The following LYN variants were observed in gnomAD, a reference collection of about 807,000 sequenced individuals.
LYN encodes LYN proto-oncogene, Src family tyrosine kinase.
Under a neutral mutation model 65.0 loss-of-function variants are expected in LYN, and 12 were observed. The ratio of observed to expected loss-of-function variants is 0.18; its 90% CI spans 0.12 to 0.30. The LOEUF (loss-of-function observed/expected upper bound fraction) is 0.30. Among genes scored for constraint, LYN ranks in the 10% least tolerant of loss-of-function variants. The pLI, the probability that LYN is intolerant of heterozygous loss-of-function variation, is 1.00. For synonymous variants in LYN, 222 were observed against 221.2 expected (o/e 1.00, Z -0.03); for missense variants, 380 against 623.2 (o/e 0.61, Z 4.16).
At chr8:55,911,131 A>ATACATATATATACGTGTATATATATG (rs1563506307) in intron 1 of LYN, among the ~76,000 whole-genome samples, 3,279 of 8,988 alleles carry the variant, frequency 0.36, 500 homozygotes, top group Non-Finnish European at 0.46. Flanking sequence ...ATATATACAC[A>ATACATATATATACGTGTATATATATG]TACATATATA....
intron 10 of LYN, among the ~76,000 whole-genome samples, chr8:55,996,256 G>A (rs1808370628): frequency 6.6e-6 from 1 of 152,202 alleles, no homozygotes; most frequent in African/African-American, 2.4e-5. Flanking sequence ...CCACGGGGCA[G>A]AAGGTGAGGC....
intron 1 of LYN, among the ~76,000 whole-genome samples, chr8:55,937,856 C>T (rs577700150): frequency 3.3e-5 from 5 of 152,192 alleles, no homozygotes; most frequent in South Asian, 2.1e-4. Flanking sequence ...CCACCACACC[C>T]GGCTAATTTT....
At chr8:55,940,725 G>A (rs987376106) in intron 1 of LYN, among the ~76,000 whole-genome samples, 1 of 152,174 alleles carries the variant, frequency 6.6e-6, no homozygotes, top group Non-Finnish European at 1.5e-5. Context: ...CAAGAACTGT[G>A]TCTGATTCAA....
intron 10 of LYN, among the ~76,000 whole-genome samples, chr8:55,971,645 C>T (rs915980781): frequency 1.3e-4 from 20 of 152,252 alleles, no homozygotes; most frequent in South Asian, 6.2e-4. Context: ...GTACTGTACC[C>T]GGAGAATGAC....
chr8:56,000,868 C>T (rs1808493268), intron 12 of LYN, among the ~76,000 whole-genome samples: 1 of 151,030 alleles, frequency 6.6e-6, no homozygotes, highest in Non-Finnish European at 1.5e-5. Context: ...TTCTCCTATT[C>T]AAAAAATATT....
intron 1 of LYN, among the ~76,000 whole-genome samples, chr8:55,904,833 T>A (rs1432576762): frequency 1.3e-5 from 2 of 152,134 alleles, no homozygotes; most frequent in Admixed American, 6.6e-5. Context: ...TTTGGCAAGG[T>A]TCCCTACATT....
chr8:55,947,612 CT>C lies in LYN; in HGVS notation c.179-3del, dbSNP rs766357723. On this transcript the variant is annotated splice_polypyrimidine_tract_variant and splice_region_variant and intron_variant, in intron 3 of 12. Coordinates refer to ENST00000519728, the MANE Select transcript of LYN (RefSeq NM_002350.4). ...CTTACAGGTGTTCTCTTGTGTTCATCTTTAGATCCAGAGGAACAAGGAGACA... is the reference window on the plus strand; with the variant it reads ...CTTACAGGTGTTCTCTTGTGTTCATCTTAGATCCAGAGGAACAAGGAGACA... The C allele has an allele frequency of 3.7e-6, 6 of 1,600,264 alleles. No homozygotes were observed. The Admixed American group carries it at 1.0e-4, about 27-fold the overall frequency.
intron 1 of LYN, among the ~76,000 whole-genome samples, chr8:55,880,379 G>C (rs1163176912): frequency 6.6e-6 from 1 of 151,770 alleles, no homozygotes; most frequent in East Asian, 1.9e-4. Flanking sequence ...GCAGGGGAGC[G>C]GTGGGAGGTG....
intron 4 of LYN, among the ~76,000 whole-genome samples, chr8:55,949,944 C>T (rs1179869246): frequency 6.6e-6 from 1 of 152,306 alleles, no homozygotes; most frequent in East Asian, 1.9e-4. Flanking sequence ...TTCTCTGCAG[C>T]CCTAGGAAAC....
intron 1 of LYN, among the ~76,000 whole-genome samples, chr8:55,903,356 G>A (rs72651466): frequency 0.13 from 19,932 of 152,254 alleles, 1,694 homozygotes; most frequent in Middle Eastern, 0.31. Flanking sequence ...GTGTTTATTT[G>A]AAGTATTCAA....
intron 12 of LYN, among the ~76,000 whole-genome samples, chr8:56,006,306 G>C (rs1483836977): frequency 6.6e-6 from 1 of 152,040 alleles, no homozygotes; most frequent in Non-Finnish European, 1.5e-5. Context: ...GCAAAGCTCA[G>C]AAAATAATAA....
intron 1 of LYN, among the ~76,000 whole-genome samples, chr8:55,901,170 C>T (rs1805250129): frequency 1.3e-5 from 2 of 152,026 alleles, no homozygotes; most frequent in Non-Finnish European, 2.9e-5. Context: ...CCCTCTCCTT[C>T]CCCCCGTAAT....
chr8:55,933,562 A>G (rs1337436846), intron 1 of LYN, among the ~76,000 whole-genome samples: 4 of 152,238 alleles, frequency 2.6e-5, no homozygotes, highest in African/African-American at 9.6e-5. Context: ...TGTATCACTT[A>G]TCCTCTCATG....
intron 1 of LYN, among the ~76,000 whole-genome samples, chr8:55,908,399 C>T (rs543211404): frequency 7.4e-4 from 113 of 151,914 alleles, no homozygotes; most frequent in African/African-American, 2.6e-3. Context: ...CACCCCCCAC[C>T]GCGACCTGCT....
At position 56,010,862 on chromosome 8, in the gene LYN, GC is replaced by G. The variant is rs1259851758; in HGVS notation, c.*754del. 4.3e-6 allele frequency: 1 copy of G among 229,970 alleles called. No individual in the cohort carries two copies. Among genetic ancestry groups the G allele is most frequent in the African/African-American group, 2.2e-5 (1 of 45,236 alleles). 14.2% of individuals were successfully genotyped at this position (229,970 alleles called of 1,614,324 possible). A position where few individuals can be genotyped will look rare whatever the true frequency, so the allele number is the denominator to read the frequency against. On this transcript the variant is annotated 3_prime_UTR_variant, in exon 13 of 13. Transcript: ENST00000519728. The stretch of plus-strand genomic sequence containing the variant: ...TGGACCTCCCAGGAAAGGGAGAAGA[GC>G]CTCAGAAACTGCTCTGTGTTTAGAA...
chr8:56,013,162 G>A lies in LYN; in HGVS notation c.*3052G>A, dbSNP rs1808860629. 1 of 152,176 alleles carries A rather than the reference G, an allele frequency of 6.6e-6. No homozygotes were observed. Among genetic ancestry groups the A allele is most frequent in the African/African-American group, 2.4e-5 (1 of 41,432 alleles). The allele number at this position is 152,176 out of a possible 1,614,324, so 9.4% of individuals were successfully genotyped here. ...CATAAAAGGATAATAACTAAAAGGAGGGAATTAATTTTGTTGCCTACACCA... is the reference window on the plus strand; with the variant it reads ...CATAAAAGGATAATAACTAAAAGGAAGGAATTAATTTTGTTGCCTACACCA... On this transcript the variant is annotated 3_prime_UTR_variant, in exon 13 of 13. Coordinates refer to ENST00000519728, the MANE Select transcript of LYN (RefSeq NM_002350.4).
chr8:55,891,420 G>C (rs28520491), intron 1 of LYN, among the ~76,000 whole-genome samples: 52,865 of 151,354 alleles, frequency 0.35, 10,105 homozygotes, highest in Middle Eastern at 0.51. Context: ...ATCATGCTAA[G>C]TGAAATAAGC....
chr8:55,961,290 A>G (rs995612015), intron 8 of LYN, among the ~76,000 whole-genome samples: 1 of 152,204 alleles, frequency 6.6e-6, no homozygotes, highest in African/African-American at 2.4e-5. Flanking sequence ...GCTTTTTACT[A>G]GCTCAAAAAG....
intron 1 of LYN, among the ~76,000 whole-genome samples, chr8:55,935,462 C>T (rs1163697914): frequency 6.6e-6 from 1 of 152,096 alleles, no homozygotes; most frequent in Non-Finnish European, 1.5e-5. Context: ...AGGTCCTTTT[C>T]AGTTCTCTCT....
Sources: gnomAD v4.1 joint callset for allele counts (sites outside exome capture counted in the v4.1 genomes callset) on GRCh38, gnomAD v4.1.1 for gene constraint, MANE v1.5 for transcripts, NCBI Gene and HGNC (gene_info 2026-07-23, HGNC 2026-07-21) for gene names.